Variants in NFU1 observed in about 807,000 individuals in gnomAD.
NFU1 encodes NFU1 iron-sulfur cluster scaffold homolog, mitochondrial.
Under a neutral mutation model 32.2 loss-of-function variants are expected in NFU1, and 30 were observed. That is an observed-to-expected ratio of 0.93 (90% CI 0.70 to 1.26). NFU1 has a LOEUF of 1.26. Among genes scored for constraint, NFU1 ranks in the 50% most tolerant of loss-of-function variants. The probability of loss-of-function intolerance (pLI) is 0.00; values close to 1 mark genes in which losing one functional copy is unlikely to be tolerated. For synonymous variants in NFU1, 112 were observed against 104.6 expected, an observed-to-expected ratio of 1.07 and a Z score of -0.43; for missense variants, 306 against 306.6, an observed-to-expected ratio of 1.00 and a Z score of 0.02.
At chr2:69,409,465 TATCACCTAAAGATA>T (rs1410156735) in intron 5 of NFU1, among the ~76,000 whole-genome samples, 24 of 152,334 alleles carry the variant, frequency 1.6e-4, no homozygotes, top group African/African-American at 5.8e-4. Context: ...AATATACCTG[TATCACCTAAAGATA>T]ATTATACAAA....
Position 69,419,552 on chromosome 2 carries a change from T to C in NFU1, c.355A>G (p.Ile119Val), listed in dbSNP as rs552142580. The part of the protein sequence containing the change: ...VKSVFFGPDF[I>V]TVTKENEELD... ...CCTATGTTTACCTTTGTGACAGTGA[T>C]GAAATCTGGTCCAAAGAAGACACTT... Residue 119 changes from isoleucine to valine, a missense_variant, in exon 4 of 8, where the codon ATC becomes GTC. By Grantham distance (29) the Ile-to-Val change is conservative (BLOSUM62 3). Coordinates refer to ENST00000410022, the MANE Select transcript of NFU1 (RefSeq NM_001002755.4). 8 of 1,586,692 alleles carry C rather than the reference T, an allele frequency of 5.0e-6. No individual in the cohort carries two copies. The South Asian group carries it at 6.7e-5, about 13-fold the overall frequency.
chr2:69,398,300 G>A (rs1672403701), intron 7 of NFU1, among the ~76,000 whole-genome samples: 1 of 152,086 alleles, frequency 6.6e-6, no homozygotes, highest in Admixed American at 6.6e-5. Flanking sequence ...AGCAAAAACA[G>A]AAGCTTTGGA....
chr2:69,402,200 T>C (rs1014487931), intron 6 of NFU1, among the ~76,000 whole-genome samples: 3 of 152,146 alleles, frequency 2.0e-5, no homozygotes, highest in Non-Finnish European at 2.9e-5. Flanking sequence ...CAGCCACTAT[T>C]TGATCATCTT....
upstream of NFU1, among the ~76,000 whole-genome samples, chr2:69,439,454 T>G (rs932149688): frequency 2.0e-5 from 3 of 152,070 alleles, no homozygotes; most frequent in African/African-American, 7.2e-5. Flanking sequence ...TTGCGATGGG[T>G]GTTACAGTTC....
chr2:69,435,951 C>T (rs1287266964), intron 1 of NFU1, among the ~76,000 whole-genome samples: 1 of 150,128 alleles, frequency 6.7e-6, no homozygotes, highest in African/African-American at 2.5e-5. Context: ...ACCATGTTGG[C>T]CAGACTGGTC....
intron 5 of NFU1, among the ~76,000 whole-genome samples, chr2:69,408,504 G>A (rs1672771311): frequency 6.6e-6 from 1 of 152,012 alleles, no homozygotes; most frequent in Non-Finnish European, 1.5e-5. Flanking sequence ...CAGATCACTT[G>A]AGGTCAGGAG....
chr2:69,405,471 A>G (rs1672666000), intron 6 of NFU1, among the ~76,000 whole-genome samples: 1 of 152,220 alleles, frequency 6.6e-6, no homozygotes, highest in African/African-American at 2.4e-5. Flanking sequence ...GGGAAAACTC[A>G]GTGAGCTTCC....
At chr2:69,439,157 T>C (rs1277194212), upstream of NFU1, among the ~76,000 whole-genome samples, 3 of 152,148 alleles carry the variant, frequency 2.0e-5, no homozygotes, top group Non-Finnish European at 2.9e-5. Flanking sequence ...CTCTAGTTTT[T>C]CACTTCCCAC....
upstream of NFU1, among the ~76,000 whole-genome samples, chr2:69,438,652 G>A (rs916932532): frequency 2.0e-5 from 3 of 152,052 alleles, no homozygotes; most frequent in African/African-American, 7.3e-5. Flanking sequence ...TTCCAGAATG[G>A]AAACAGCACA....
chr2:69,427,788 C>T (rs912270532), intron 2 of NFU1, among the ~76,000 whole-genome samples: 3 of 151,636 alleles, frequency 2.0e-5, no homozygotes, highest in African/African-American at 7.3e-5. Context: ...TCAGGACCAG[C>T]CTGGCCAACA....
At chr2:69,423,517 C>T in intron 3 of NFU1, 65 bp downstream of exon 3, 1 of 1,475,442 alleles carries the variant, frequency 6.8e-7, no homozygotes, top group Non-Finnish European at 9.4e-7. Flanking sequence ...ACAGAGTTGT[C>T]TTAACCCCAA....
intron 2 of NFU1, 67 bp from the exon 3 acceptor site, chr2:69,423,784 T>C: frequency 8.6e-7 from 1 of 1,167,140 alleles, no homozygotes; most frequent in Non-Finnish European, 1.3e-6. Flanking sequence ...GACTATGAAG[T>C]GCTCATTTGC....
chr2:69,430,009 A>G (rs1163847263), intron 2 of NFU1: 5 of 329,438 alleles, frequency 1.5e-5, no homozygotes, highest in Non-Finnish European at 3.0e-5. Flanking sequence ...AGCCTGGGCA[A>G]CATAGTGAGA....
chr2:69,424,219 A>ATATCTCTC (rs1427664911), intron 2 of NFU1, among the ~76,000 whole-genome samples: 2 of 126,884 alleles, frequency 1.6e-5, no homozygotes, highest in African/African-American at 5.7e-5. Flanking sequence ...ATATATATAT[A>ATATCTCTC]TCTCAATATA....
At chr2:69,405,719 TAA>T (rs1003684742) in intron 6 of NFU1, among the ~76,000 whole-genome samples, 3 of 152,050 alleles carry the variant, frequency 2.0e-5, no homozygotes, top group Non-Finnish European at 2.9e-5. Flanking sequence ...TGCCAAACAT[TAA>T]GTCTTTTTTT....
intron 4 of NFU1, among the ~76,000 whole-genome samples, chr2:69,418,384 G>A (rs543424522): frequency 2.6e-5 from 4 of 152,180 alleles, no homozygotes; most frequent in Non-Finnish European, 5.9e-5. Flanking sequence ...TGGGTGTGGA[G>A]TGAGACTTTG....
At chr2:69,399,253 G>T in intron 7 of NFU1, 1 of 346,970 alleles carries the variant, frequency 2.9e-6, no homozygotes, top group South Asian at 2.1e-5. Context: ...AATTCTGTGG[G>T]TTGGAAATTT....
intron 4 of NFU1, among the ~76,000 whole-genome samples, 194 bp from the exon 5 acceptor site, chr2:69,415,493 C>T (rs563281453): frequency 2.6e-5 from 4 of 152,044 alleles, no homozygotes; most frequent in African/African-American, 7.2e-5. Context: ...GATTCTCCTG[C>T]CTCAGCCTCC....
chr2:69,404,784 T>C (rs1447547132), intron 6 of NFU1, among the ~76,000 whole-genome samples: 1 of 151,070 alleles, frequency 6.6e-6, no homozygotes, highest in African/African-American at 2.4e-5. Flanking sequence ...CACGCCTGGC[T>C]AATTTTTGTA....
Sources: allele counts gnomAD v4.1 joint callset (sites outside exome capture counted in the v4.1 genomes callset), GRCh38; gene constraint gnomAD v4.1.1; transcripts MANE v1.5; gene names NCBI Gene and HGNC (gene_info 2026-07-23, HGNC 2026-07-21).